ETV6: variants seen among roughly 807,000 people sequenced by gnomAD.
The protein encoded by ETV6 is transcription factor ETV6.
Under a neutral mutation model 51.1 loss-of-function variants are expected in ETV6, and 16 were observed. The ratio of observed to expected loss-of-function variants is 0.31; its 90% CI spans 0.21 to 0.48. ETV6 has a LOEUF of 0.48. ETV6 is among the 20% of genes least tolerant of loss of function. The pLI is 0.99. For missense variants in ETV6, 458 were observed against 594.8 expected (o/e 0.77, Z 2.39); for synonymous variants, 240 against 224.1 (o/e 1.07, Z -0.64).
intron 1 of ETV6, among the ~76,000 whole-genome samples, chr12:11,729,283 G>C (rs1471717892): frequency 6.6e-6 from 1 of 152,164 alleles, no homozygotes; most frequent in East Asian, 1.9e-4. Flanking sequence ...ATGTTTTCAG[G>C]ATTTTATCTC....
chr12:11,832,980 T>C (rs1946265791), intron 2 of ETV6, among the ~76,000 whole-genome samples: 1 of 152,154 alleles, frequency 6.6e-6, no homozygotes, highest in African/African-American at 2.4e-5. Flanking sequence ...TGACGTGAAA[T>C]TACAGAGTAT....
intron 6 of ETV6, 43 bp from the exon 7 acceptor site, chr12:11,885,883 T>G: frequency 1.4e-6 from 2 of 1,423,710 alleles, no homozygotes; most frequent in Non-Finnish European, 2.0e-6. Flanking sequence ...CATTTCATTG[T>G]GTCTTTGTGC....
At chr12:11,787,286 G>A (rs139833230) in intron 2 of ETV6, among the ~76,000 whole-genome samples, 55 of 152,194 alleles carry the variant, frequency 3.6e-4, no homozygotes, top group African/African-American at 1.2e-3. Context: ...CACCACATAC[G>A]GCTTTCAAGC....
chr12:11,860,539 T>G (rs1316049076), intron 4 of ETV6, among the ~76,000 whole-genome samples: 1 of 149,544 alleles, frequency 6.7e-6, no homozygotes, highest in Non-Finnish European at 1.5e-5. Flanking sequence ...GTCTCCAGCC[T>G]GGGCGACAGA....
At chr12:11,791,227 T>G (rs1438777819) in intron 2 of ETV6, among the ~76,000 whole-genome samples, 3 of 152,146 alleles carry the variant, frequency 2.0e-5, no homozygotes, top group Non-Finnish European at 4.4e-5. Context: ...CTCCCCTCCC[T>G]CCACCCCCTT....
At chr12:11,810,115 G>C (rs1250083845) in intron 2 of ETV6, among the ~76,000 whole-genome samples, 1 of 152,104 alleles carries the variant, frequency 6.6e-6, no homozygotes, top group Non-Finnish European at 1.5e-5. Flanking sequence ...CACCGCACCT[G>C]GCTGGAATGG....
chr12:11,850,239 C>T (rs1946530355), intron 3 of ETV6, among the ~76,000 whole-genome samples: 1 of 152,160 alleles, frequency 6.6e-6, no homozygotes, highest in Admixed American at 6.5e-5. Context: ...ACCCCTCTGA[C>T]CCTGCTCCCT....
chr12:11,675,673 A>G (rs532934134), intron 1 of ETV6, among the ~76,000 whole-genome samples: 116 of 152,280 alleles, frequency 7.6e-4, no homozygotes, highest in African/African-American at 2.7e-3. Flanking sequence ...AATTAGCTGG[A>G]TGTGGTAATG....
chr12:11,854,391 C>G (rs1946601431), intron 4 of ETV6, among the ~76,000 whole-genome samples: 1 of 152,154 alleles, frequency 6.6e-6, no homozygotes, highest in Admixed American at 6.5e-5. Context: ...AGTCAGTGAC[C>G]TGGAGGTTGG....
chr12:11,784,818 T>G (rs1945460588), intron 2 of ETV6, among the ~76,000 whole-genome samples: 1 of 150,172 alleles, frequency 6.7e-6, no homozygotes, highest in African/African-American at 2.5e-5. Flanking sequence ...CGCCGCAGCC[T>G]CCAGAGTAGC....
At chr12:11,794,532 G>A (rs1376159002) in intron 2 of ETV6, among the ~76,000 whole-genome samples, 1 of 152,208 alleles carries the variant, frequency 6.6e-6, no homozygotes, top group African/African-American at 2.4e-5. Flanking sequence ...GCTAGCTGTG[G>A]AATCAAGGGA....
intron 1 of ETV6, among the ~76,000 whole-genome samples, chr12:11,712,161 A>G (rs1295889180): frequency 6.6e-6 from 1 of 152,196 alleles, no homozygotes; most frequent in Non-Finnish European, 1.5e-5. Flanking sequence ...TAGCAATCTC[A>G]GAGATCAAAA....
chr12:11,723,677 C>G (rs1415431634), intron 1 of ETV6, among the ~76,000 whole-genome samples: 1 of 151,776 alleles, frequency 6.6e-6, no homozygotes, highest in Non-Finnish European at 1.5e-5. Context: ...TCAGGGTTCC[C>G]TTCTCTTCCT....
chr12:11,775,271 C>T (rs965299418), intron 2 of ETV6, among the ~76,000 whole-genome samples: 1 of 152,186 alleles, frequency 6.6e-6, no homozygotes, highest in African/African-American at 2.4e-5. Flanking sequence ...TGGCAGAAAC[C>T]AGGGAAGCTG....
chr12:11,819,599 A>G (rs1242440346), intron 2 of ETV6, among the ~76,000 whole-genome samples: 1 of 152,202 alleles, frequency 6.6e-6, no homozygotes, highest in Non-Finnish European at 1.5e-5. Context: ...CCGCCAATCC[A>G]TCCTCTGTGG....
chr12:11,863,943 C>T (rs7958847), intron 4 of ETV6, among the ~76,000 whole-genome samples: 2 of 152,308 alleles, frequency 1.3e-5, no homozygotes, highest in South Asian at 2.1e-4. Flanking sequence ...GAATTAAATA[C>T]CCTCGGATCC....
chr12:11,793,260 G>A (rs1170549905), intron 2 of ETV6, among the ~76,000 whole-genome samples: 1 of 152,182 alleles, frequency 6.6e-6, no homozygotes, highest in Admixed American at 6.5e-5. Context: ...AGCCCTTTGA[G>A]AAGTTTCTGT....
At chr12:11,717,996 C>CAGAT (rs58553913) in intron 1 of ETV6, among the ~76,000 whole-genome samples, 4,643 of 152,260 alleles carry the variant, frequency 0.03, 112 homozygotes, top group East Asian at 0.082. Flanking sequence ...AAAGAACAAA[C>CAGAT]AGAATGCCAC....
At chr12:11,685,161 A>AT (rs1200394246) in intron 1 of ETV6, among the ~76,000 whole-genome samples, 1 of 152,154 alleles carries the variant, frequency 6.6e-6, no homozygotes, top group African/African-American at 2.4e-5. Flanking sequence ...TTCCCTGTTA[A>AT]TGCTGGCTTT....
Sources: gnomAD v4.1 joint callset for allele counts (sites outside exome capture counted in the v4.1 genomes callset) on GRCh38, gnomAD v4.1.1 for gene constraint, MANE v1.5 for transcripts, NCBI Gene and HGNC (gene_info 2026-07-23, HGNC 2026-07-21) for gene names.